JARID2: variants seen among roughly 807,000 people sequenced by gnomAD.
The protein encoded by JARID2 is protein Jumonji.
A neutral mutation model predicts 125.6 loss-of-function variants in JARID2; 21 were observed. The observed-to-expected ratio is 0.17, with a 90% CI of 0.12 to 0.24. The LOEUF is 0.24. JARID2 is among the 10% of genes least tolerant of loss of function. JARID2 has a pLI of 1.00. For synonymous variants in JARID2, 736 were observed against 661.6 expected (o/e 1.11, Z -1.73); for missense variants, 1,303 against 1,639.6 (o/e 0.79, Z 3.55).
At chr6:15,419,800 A>C (rs571697348) in intron 3 of JARID2, among the ~76,000 whole-genome samples, 1 of 152,316 alleles carries the variant, frequency 6.6e-6, no homozygotes, top group African/African-American at 2.4e-5. Context: ...TTTCTTTTGA[A>C]TCCCTTACTG....
chr6:15,291,571 G>T (rs1761216221), intron 1 of JARID2, among the ~76,000 whole-genome samples: 1 of 152,226 alleles, frequency 6.6e-6, no homozygotes, highest in Admixed American at 6.5e-5. Context: ...AAGGGATGCT[G>T]CAGGGATCCT....
At chr6:15,250,357 G>T (rs562094625) in intron 1 of JARID2, among the ~76,000 whole-genome samples, 213 of 152,304 alleles carry the variant, frequency 1.4e-3, no homozygotes, top group African/African-American at 4.6e-3. Context: ...ATCACAAATT[G>T]TTCAGTCACG....
chr6:15,339,304 C>T (rs919919051), intron 1 of JARID2, among the ~76,000 whole-genome samples: 1 of 152,166 alleles, frequency 6.6e-6, no homozygotes, highest in African/African-American at 2.4e-5. Context: ...TCTCCTGATT[C>T]AGCCAAGGGA....
At chr6:15,392,932 A>AGTGATCTGCCAT (rs1765079728) in intron 2 of JARID2, among the ~76,000 whole-genome samples, 1 of 151,646 alleles carries the variant, frequency 6.6e-6, no homozygotes, top group Non-Finnish European at 1.5e-5. Flanking sequence ...TGATCTGCCA[A>AGTGATCTGCCAT]CCTCTGCCTC....
Position 15,511,411 on chromosome 6 carries a change from C to G in JARID2, c.2952+10C>G, listed in dbSNP as rs1223103828. ...GGAAAGCAACGTCATGGTGCGTCCA[C>G]TCAGCCACCGCCTCCAGCAGGAGCT... is the stretch of plus-strand genomic sequence containing the variant. On this transcript the variant is annotated intron_variant, in intron 13 of 17. Coordinates refer to ENST00000341776, the MANE Select transcript of JARID2 (RefSeq NM_004973.4). The G allele has an allele frequency of 6.3e-7, 1 of 1,589,564 alleles. No homozygotes were observed. The highest frequency in any genetic ancestry group is 8.6e-7 in the Non-Finnish European group (1 of 1,159,544).
chr6:15,376,429 T>G (rs1224843653), intron 2 of JARID2, among the ~76,000 whole-genome samples: 1 of 152,144 alleles, frequency 6.6e-6, no homozygotes, highest in African/African-American at 2.4e-5. Context: ...TAAGAATCAT[T>G]ATTTTGCTTG....
chr6:15,424,711 T>C (rs767139150), intron 3 of JARID2, among the ~76,000 whole-genome samples: 3 of 151,926 alleles, frequency 2.0e-5, no homozygotes, highest in Non-Finnish European at 4.4e-5. Flanking sequence ...AATACAAAAT[T>C]AGCTTGGTGT....
intron 1 of JARID2, among the ~76,000 whole-genome samples, chr6:15,291,429 A>G (rs1411468262): frequency 6.6e-6 from 1 of 152,208 alleles, no homozygotes; most frequent in Non-Finnish European, 1.5e-5. Context: ...TGTTAGGGGC[A>G]CAATCTGTTT....
At chr6:15,462,477 A>T (rs1255224674) in intron 4 of JARID2, among the ~76,000 whole-genome samples, 1 of 152,244 alleles carries the variant, frequency 6.6e-6, no homozygotes, top group Non-Finnish European at 1.5e-5. Flanking sequence ...AGATTGATGC[A>T]CTAGGGTATT....
At chr6:15,386,667 A>C (rs1243941025) in intron 2 of JARID2, among the ~76,000 whole-genome samples, 1 of 152,218 alleles carries the variant, frequency 6.6e-6, no homozygotes, top group Non-Finnish European at 1.5e-5. Context: ...GTTCCTCAAC[A>C]CCACTGCCTG....
intron 3 of JARID2, among the ~76,000 whole-genome samples, chr6:15,415,220 A>G (rs893848942): frequency 2.0e-5 from 3 of 152,176 alleles, no homozygotes; most frequent in Non-Finnish European, 4.4e-5. Context: ...ACCTCCCTCT[A>G]CACAGACATG....
intron 5 of JARID2, among the ~76,000 whole-genome samples, chr6:15,483,557 C>T (rs1402725741): frequency 6.6e-6 from 1 of 151,734 alleles, no homozygotes; most frequent in East Asian, 1.9e-4. Flanking sequence ...TAGAATATAC[C>T]CATTAAATGT....
rs563388915 is a variant in JARID2, at chr6:15,253,353, G to A, written c.45+6769G>A. On this transcript the variant is annotated intron_variant, in intron 1 of 17. Transcript: ENST00000341776. The stretch of plus-strand genomic sequence containing the variant: ...GTTGGAATTACAGGCGTGAGCCACC[G>A]TGCCTGGCCAAATAAGGATTTTTAA... Among the ~76,000 whole-genome samples the A allele has an allele frequency of 5.4e-4, 82 of 152,148 alleles. 1 individual carries two copies. Among genetic ancestry groups the A allele is most frequent in the African/African-American group, 1.9e-3 (77 of 41,522 alleles).
At chr6:15,504,150 T>G (rs1344922421) in intron 8 of JARID2, among the ~76,000 whole-genome samples, 1 of 152,222 alleles carries the variant, frequency 6.6e-6, no homozygotes, top group Non-Finnish European at 1.5e-5. Flanking sequence ...CTTTGTCAGC[T>G]GAGGGATTCT....
In JARID2 at chr6:15,468,627, A is replaced by G. The variant is rs7750089; in HGVS notation, c.579A>G (p.Glu193=). The G allele has an allele frequency of 1.3e-3, 2,133 of 1,614,180 alleles. 23 individuals are homozygous for G. The African/African-American group carries it at 0.026, about 19-fold the overall frequency. The change falls in exon 5 of 18, where the codon GAA becomes GAG. Residue 193 remains glutamate, a synonymous_variant. Coordinates refer to ENST00000341776, the MANE Select transcript of JARID2 (RefSeq NM_004973.4). ...EEVEEEDDET[E]DVKTATNNAS... ...TCGAGGAGGAAGATGATGAGACAGA[A>G]GACGTCAAAACAGCCACCAACAATG...
chr6:15,345,953 T>G (rs1360323850), intron 1 of JARID2, among the ~76,000 whole-genome samples: 4 of 152,214 alleles, frequency 2.6e-5, no homozygotes, highest in Non-Finnish European at 5.9e-5. Flanking sequence ...TTTTCTTTCA[T>G]GGAGTGGTGA....
chr6:15,307,194 A>G (rs1009084660), intron 1 of JARID2, among the ~76,000 whole-genome samples: 7 of 152,034 alleles, frequency 4.6e-5, no homozygotes, highest in Non-Finnish European at 1.0e-4. Flanking sequence ...GTGAGCCGAG[A>G]CAGTTCCACT....
intron 1 of JARID2, among the ~76,000 whole-genome samples, chr6:15,279,253 T>G (rs1760661073): frequency 6.6e-6 from 1 of 152,188 alleles, no homozygotes; most frequent in Non-Finnish European, 1.5e-5. Context: ...AGGATTTAAA[T>G]TGGTCGAAGG....
chr6:15,364,367 T>A (rs1763902048), intron 1 of JARID2, among the ~76,000 whole-genome samples: 1 of 152,234 alleles, frequency 6.6e-6, no homozygotes. Flanking sequence ...GGTTTTTGTC[T>A]GGCCTCAATC....
Sources: gnomAD v4.1 joint callset for allele counts (sites outside exome capture counted in the v4.1 genomes callset) on GRCh38, gnomAD v4.1.1 for gene constraint, MANE v1.5 for transcripts, NCBI Gene and HGNC (gene_info 2026-07-23, HGNC 2026-07-21) for gene names.